The following CSMD2 variants were observed in gnomAD, a reference collection of about 807,000 sequenced individuals.
The protein encoded by CSMD2 is CUB and sushi domain-containing protein 2.
In CSMD2, 130 loss-of-function variants were observed where a neutral mutation model predicts 398.5. The ratio of observed to expected loss-of-function variants is 0.33; its 90% CI spans 0.28 to 0.38. The LOEUF (loss-of-function observed/expected upper bound fraction) is 0.38, where lower values mean the gene tolerates loss of function less well. Among genes scored for constraint, CSMD2 ranks in the 10% least tolerant of loss-of-function variants. The probability of loss-of-function intolerance (pLI) is 1.00; values close to 1 mark genes in which losing one functional copy is unlikely to be tolerated. For synonymous variants in CSMD2, 1,828 were observed against 1,908.5 expected, an observed-to-expected ratio of 0.96 and a Z score of 1.10; for missense variants, 3,829 against 4,764.9, an observed-to-expected ratio of 0.80 and a Z score of 5.78.
chr1:33,921,558 G>C (rs1160085320), intron 4 of CSMD2, among the ~76,000 whole-genome samples: 1 of 152,194 alleles, frequency 6.6e-6, no homozygotes, highest in East Asian at 1.9e-4. Context: ...ACTGGGGAAA[G>C]GGATCATGGT....
At position 34,164,797 on chromosome 1, in the gene CSMD2, T is replaced by C. The variant is rs1428159278; in HGVS notation, c.187+114A>G. ...AGTAGGCAACTGGGAGGGTGGGAGA[T>C]TCAGGCAGGGATAGAGGCGGGGGGA... On this transcript the variant is annotated intron_variant, in intron 1 of 70. Coordinates refer to ENST00000373381, the MANE Select transcript of CSMD2 (RefSeq NM_001281956.2). This position sits in a 1 kb window ranked among gnomAD's most constrained non-coding sequence, Gnocchi z 6.2. 3.2e-6 allele frequency: 3 copies of C among 948,538 alleles called. No homozygotes were observed. In the African/African-American group the frequency reaches 5.4e-5, roughly 17 times the overall value. The allele number at this position is 948,538 out of a possible 1,614,324, so 58.8% of individuals were successfully genotyped here.
intron 14 of CSMD2, among the ~76,000 whole-genome samples, chr1:33,740,970 T>G (rs1647040928): frequency 6.6e-6 from 1 of 152,168 alleles, no homozygotes; most frequent in South Asian, 2.1e-4. Context: ...TTCTGGCATG[T>G]GAAAGGGGTA....
chr1:33,929,303 ATCT>A (rs1474200585), intron 4 of CSMD2, among the ~76,000 whole-genome samples: 3 of 151,786 alleles, frequency 2.0e-5, no homozygotes, highest in African/African-American at 4.8e-5. Flanking sequence ...CTCCTAACTG[ATCT>A]TCTTATTGTG....
chr1:33,629,638 G>T (rs973657850), intron 32 of CSMD2, among the ~76,000 whole-genome samples: 3 of 152,256 alleles, frequency 2.0e-5, no homozygotes, highest in African/African-American at 7.2e-5. Flanking sequence ...GCAACTCAGG[G>T]ACAGGGACAT....
chr1:33,943,165 T>C (rs35749214), intron 3 of CSMD2, among the ~76,000 whole-genome samples: 5 of 152,212 alleles, frequency 3.3e-5, no homozygotes, highest in Non-Finnish European at 7.3e-5. Context: ...CATAATAATT[T>C]GAAAGATTAA....
chr1:33,791,949 TG>T (rs1265844806), intron 11 of CSMD2, among the ~76,000 whole-genome samples: 4 of 152,208 alleles, frequency 2.6e-5, no homozygotes, highest in Non-Finnish European at 5.9e-5. Context: ...TCAGGAAGTG[TG>T]GCCACTATGT....
chr1:33,694,387 C>T (rs1378358932), intron 24 of CSMD2, among the ~76,000 whole-genome samples: 1 of 152,084 alleles, frequency 6.6e-6, no homozygotes. Flanking sequence ...TGTGTCCCTA[C>T]CCAAATTTCG....
At chr1:33,907,937 A>G (rs1294945421) in intron 5 of CSMD2, among the ~76,000 whole-genome samples, 1 of 152,074 alleles carries the variant, frequency 6.6e-6, no homozygotes, top group South Asian at 2.1e-4. Flanking sequence ...AAATACAAAA[A>G]TTAGCTGGGC....
In CSMD2 at chr1:33,820,398, A is replaced by G; in HGVS notation, c.1199+71T>C. ...CTCCATTTCCACCTGCAGGAAGGCC[A>G]GCCCCTGTCTTCCTCCCAGCCAGGC... On this transcript the variant is annotated intron_variant, in intron 8 of 70. Coordinates refer to ENST00000373381, the MANE Select transcript of CSMD2 (RefSeq NM_001281956.2). 3.0e-6 allele frequency: 3 copies of G among 986,036 alleles called. No homozygotes were observed. The African/African-American group carries it at 4.8e-5, about 16-fold the overall frequency. The allele number at this position is 986,036 out of a possible 1,614,324, so 61.1% of individuals were successfully genotyped here. A position where few individuals can be genotyped will look rare whatever the true frequency, so the allele number is the denominator to read the frequency against.
chr1:33,781,227 T>C (rs1023265885), intron 12 of CSMD2, among the ~76,000 whole-genome samples: 1 of 152,216 alleles, frequency 6.6e-6, no homozygotes, highest in African/African-American at 2.4e-5. Flanking sequence ...AGCCCACCTG[T>C]TCCCTCTCTC....
chr1:33,699,007 C>A, intron 23 of CSMD2, 63 bp from the exon 24 acceptor site: 1 of 1,431,616 alleles, frequency 7.0e-7, no homozygotes. Flanking sequence ...TGCTTCCTCT[C>A]TTCCCTCAAA....
At chr1:33,911,450 C>T (rs1643437925) in intron 5 of CSMD2, among the ~76,000 whole-genome samples, 1 of 152,058 alleles carries the variant, frequency 6.6e-6, no homozygotes, top group Admixed American at 6.6e-5. Flanking sequence ...ATAATTAAAG[C>T]AAGATCATTC....
intron 13 of CSMD2, among the ~76,000 whole-genome samples, chr1:33,750,074 C>T (rs1038016819): frequency 6.6e-6 from 1 of 151,612 alleles, no homozygotes; most frequent in Non-Finnish European, 1.5e-5. Context: ...ACAACAAAAA[C>T]AACAAAACTG....
At chr1:33,616,514 AG>A (rs1425780076) in intron 39 of CSMD2, among the ~76,000 whole-genome samples, 2 of 152,216 alleles carry the variant, frequency 1.3e-5, no homozygotes, top group Non-Finnish European at 2.9e-5. Context: ...CTGGGATTAC[AG>A]GCATGAGCCA....
At chr1:34,154,043 G>T (rs1640574951) in intron 1 of CSMD2, among the ~76,000 whole-genome samples, 1 of 152,166 alleles carries the variant, frequency 6.6e-6, no homozygotes, top group African/African-American at 2.4e-5. Context: ...TCAACCGGAA[G>T]ATTTCTAAGG....
Position 33,580,912 on chromosome 1 carries a change from G to A in CSMD2, c.7241-13C>T. 2 of 1,613,704 alleles carry A rather than the reference G, an allele frequency of 1.2e-6. No individual in the cohort carries two copies. The highest frequency in any genetic ancestry group is 1.7e-6 in the Non-Finnish European group (2 of 1,179,824). On this transcript the variant is annotated splice_polypyrimidine_tract_variant and intron_variant, in intron 47 of 70. Coordinates refer to ENST00000373381, the MANE Select transcript of CSMD2 (RefSeq NM_001281956.2). ...TGTCCTGATGGACCTGGGGTGAGAA[G>A]GACGCAGGATTACAGACCATGGGAG...
chr1:33,771,808 A>C (rs1651306200), intron 13 of CSMD2, among the ~76,000 whole-genome samples: 2 of 152,178 alleles, frequency 1.3e-5, no homozygotes, highest in Non-Finnish European at 2.9e-5. Flanking sequence ...TGGAGTGACA[A>C]GGGATGGGAG....
At chr1:33,995,462 T>A (rs141807810) in intron 3 of CSMD2, among the ~76,000 whole-genome samples, 1 of 152,310 alleles carries the variant, frequency 6.6e-6, no homozygotes, top group Non-Finnish European at 1.5e-5. Context: ...TGGACTCCAC[T>A]TGTTACCAGC....
intron 1 of CSMD2, among the ~76,000 whole-genome samples, chr1:34,115,012 G>A (rs532962820): frequency 1.2e-4 from 18 of 151,946 alleles, no homozygotes; most frequent in African/African-American, 3.9e-4. Flanking sequence ...AAGAATCAGT[G>A]AACTCAAAAA....
Sources: gnomAD v4.1 joint callset for allele counts (sites outside exome capture counted in the v4.1 genomes callset) on GRCh38, gnomAD v4.1.1 for gene constraint, Gnocchi (gnomAD v3.1) non-coding constraint, MANE v1.5 for transcripts, NCBI Gene and HGNC (gene_info 2026-07-23, HGNC 2026-07-21) for gene names.